Variants in PGM5 observed in about 807,000 individuals in gnomAD.
PGM5 encodes phosphoglucomutase-like protein 5.
A neutral mutation model predicts 59.2 loss-of-function variants in PGM5; 23 were observed. The observed-to-expected ratio is 0.39, with a 90% CI of 0.28 to 0.55. The LOEUF (loss-of-function observed/expected upper bound fraction) is 0.55, where lower values mean the gene tolerates loss of function less well. Ranked by LOEUF, PGM5 falls within the 20% of genes least tolerant of loss-of-function variation. The pLI is 0.66. For missense variants in PGM5, 574 were observed against 748.3 expected (o/e 0.77, Z 2.72); for synonymous variants, 214 against 286.0 (o/e 0.75, Z 2.54).
chr9:68,375,562 T>C lies in PGM5; in HGVS notation c.262-2637T>C, dbSNP rs2777132. ...CTCCCAGAGAATCCATTCATCATAC[T>C]TTCATTATTCTCCATTCATTAATTC... On this transcript the variant is annotated intron_variant, in intron 1 of 10. Transcript: ENST00000396396. 2.0e-5 allele frequency among the ~76,000 whole-genome samples: 3 copies of C among 152,354 alleles called. No homozygotes were observed. The East Asian group carries it at 5.8e-4, about 29-fold the overall frequency.
At chr9:68,482,154 G>A (rs1218482392) in intron 8 of PGM5, among the ~76,000 whole-genome samples, 1 of 152,018 alleles carries the variant, frequency 6.6e-6, no homozygotes, top group African/African-American at 2.4e-5. Context: ...GTGAACGTTT[G>A]GGCAAACAGA....
chr9:68,481,531 A>T (rs138907459), intron 8 of PGM5, among the ~76,000 whole-genome samples: 3,343 of 152,300 alleles, frequency 0.022, 51 homozygotes, highest in African/African-American at 0.05. Flanking sequence ...GACAAAATAT[A>T]TTATGATTGA....
In PGM5 at chr9:68,424,820, G is replaced by T. The variant is rs530977140; in HGVS notation, c.1043+32347G>T. Among the ~76,000 whole-genome samples, 76 of 152,298 alleles carry T rather than the reference G, an allele frequency of 5.0e-4. 1 individual carries two copies. The highest frequency in any genetic ancestry group is 1.7e-3 in the African/African-American group (70 of 41,568). ...GTGTACCTATTAATGTCTCTTAGGG[G>T]ACTAGTGGGAGGTTGCACTGTTTGA... is the stretch of plus-strand genomic sequence containing the variant. On this transcript the variant is annotated intron_variant, in intron 6 of 10. Coordinates refer to ENST00000396396, the MANE Select transcript of PGM5 (RefSeq NM_021965.4).
Position 68,448,153 on chromosome 9 carries a change from C to T in PGM5, c.1044-16940C>T, listed in dbSNP as rs114383675. Among the ~76,000 whole-genome samples, 969 of 152,298 alleles carry T rather than the reference C, an allele frequency of 6.4e-3. 5 individuals carry two copies. Among genetic ancestry groups the T allele is most frequent in the African/African-American group, 0.022 (914 of 41,550 alleles). ...GTAGCTTCTAATCCTAGACTCACTT[C>T]CTTCTTTGAAATCCACCTTTTTGAA... On this transcript the variant is annotated intron_variant, in intron 6 of 10. Transcript: ENST00000396396.
Position 68,514,500 on chromosome 9 carries a change from G to T in PGM5, c.1615-15067G>T, listed in dbSNP as rs564709927. Among the ~76,000 whole-genome samples the T allele has an allele frequency of 1.0e-3, 152 of 152,280 alleles. 1 individual carries two copies. The highest frequency in any genetic ancestry group is 3.5e-3 in the African/African-American group (147 of 41,564). On this transcript the variant is annotated intron_variant, in intron 10 of 10. Transcript: ENST00000396396. The stretch of plus-strand genomic sequence containing the variant: ...GCCTGTAATCCCAGCTACTCAGGAG[G>T]CTGAGGCAGGAGAATCGCTTGAACC...
chr9:68,485,340 C>T (rs556868689), intron 9 of PGM5, among the ~76,000 whole-genome samples: 111 of 152,086 alleles, frequency 7.3e-4, no homozygotes, highest in Non-Finnish European at 1.4e-3. Context: ...GTGTCCCCAC[C>T]CAAATCTCAT....
intron 6 of PGM5, chr9:68,396,705 G>T (rs1822513157): frequency 6.6e-6 from 1 of 152,324 alleles, no homozygotes; most frequent in East Asian, 1.9e-4. Context: ...GGTCCCAGGT[G>T]GATTCTCATG....
At chr9:68,397,841 G>C (rs1332384352) in intron 6 of PGM5, 1 of 152,218 alleles carries the variant, frequency 6.6e-6, no homozygotes, top group Non-Finnish European at 1.5e-5. Context: ...GGACCTGACT[G>C]TGATGCTGGG....
chr9:68,427,154 G>A (rs1823252363), intron 6 of PGM5, among the ~76,000 whole-genome samples: 1 of 152,334 alleles, frequency 6.6e-6, no homozygotes, highest in Admixed American at 6.5e-5. Context: ...GAGCCCCCCT[G>A]GCAGTGGAAG....
intron 6 of PGM5, among the ~76,000 whole-genome samples, chr9:68,447,646 A>G (rs1025743374): frequency 3.3e-5 from 5 of 152,192 alleles, no homozygotes; most frequent in African/African-American, 1.2e-4. Flanking sequence ...GAAGAAGGCT[A>G]TAGTTTTGGT....
intron 4 of PGM5, among the ~76,000 whole-genome samples, chr9:68,391,284 A>G (rs1320154087): frequency 6.6e-6 from 1 of 152,128 alleles, no homozygotes; most frequent in African/African-American, 2.4e-5. Flanking sequence ...GAAAAATTTC[A>G]GGTGAAAAAA....
Position 68,356,678 on chromosome 9 carries a change from G to A in PGM5, c.-450G>A, listed in dbSNP as rs1289045379. On this transcript the variant is annotated 5_prime_UTR_variant, in exon 1 of 11. Coordinates refer to ENST00000396396, the MANE Select transcript of PGM5 (RefSeq NM_021965.4). ...GAACCCGGACTCTGCCCAAAGTCTCGCCGCCCGCCGGCTGTTTTCTGGCGG... is the reference window on the plus strand; with the variant it reads ...GAACCCGGACTCTGCCCAAAGTCTCACCGCCCGCCGGCTGTTTTCTGGCGG... Among the ~76,000 whole-genome samples, 34 of 152,358 alleles carry A rather than the reference G, an allele frequency of 2.2e-4. No individual in the cohort carries two copies. The highest frequency in any genetic ancestry group is 7.0e-4 in the African/African-American group (29 of 41,586).
intron 6 of PGM5, chr9:68,398,114 G>A (rs1822558349): frequency 6.6e-6 from 1 of 152,208 alleles, no homozygotes; most frequent in African/African-American, 2.4e-5. Context: ...TGGTGGAAGA[G>A]ATAGTGATGT....
intron 6 of PGM5, among the ~76,000 whole-genome samples, chr9:68,444,678 T>C (rs1292141579): frequency 6.6e-5 from 10 of 152,150 alleles, no homozygotes; most frequent in African/African-American, 2.2e-4. Context: ...TGACATACAC[T>C]GGGGAGGGGA....
chr9:68,439,266 G>A (rs12343961), intron 6 of PGM5, among the ~76,000 whole-genome samples: 5,707 of 151,846 alleles, frequency 0.038, 144 homozygotes, highest in African/African-American at 0.081. Context: ...TTGGGAGGCT[G>A]TGTTGGGAGG....
At chr9:68,510,237 C>T (rs1824727309) in intron 10 of PGM5, among the ~76,000 whole-genome samples, 1 of 150,870 alleles carries the variant, frequency 6.6e-6, no homozygotes, top group Non-Finnish European at 1.5e-5. Flanking sequence ...CTGCAAGCTC[C>T]GCCTCCTGGG....
In PGM5 at chr9:68,453,387, G is replaced by A. The variant is rs905653232; in HGVS notation, c.1044-11706G>A. ...ACAGGGTCTTGCTGCTGCCCAGGCT[G>A]GAGTACAGTGGCATAATTATAGCTA... On this transcript the variant is annotated intron_variant, in intron 6 of 10. Coordinates refer to ENST00000396396, the MANE Select transcript of PGM5 (RefSeq NM_021965.4). 1.2e-4 allele frequency among the ~76,000 whole-genome samples: 18 copies of A among 152,226 alleles called. No homozygotes were observed. The East Asian group carries it at 3.5e-3, about 29-fold the overall frequency.
intron 1 of PGM5, among the ~76,000 whole-genome samples, chr9:68,358,235 C>G (rs1434844770): frequency 6.6e-6 from 1 of 152,224 alleles, no homozygotes; most frequent in African/African-American, 2.4e-5. Flanking sequence ...CTTCCCCTTT[C>G]GGTTTTCATC....
intron 3 of PGM5, among the ~76,000 whole-genome samples, chr9:68,386,663 G>A (rs1288151600): frequency 1.3e-4 from 20 of 151,968 alleles, no homozygotes; most frequent in Non-Finnish European, 2.2e-4. Context: ...ATTTAAAAAA[G>A]CAGGGCTCCT....
Sources: gnomAD v4.1 joint callset for allele counts (sites outside exome capture counted in the v4.1 genomes callset) on GRCh38, gnomAD v4.1.1 for gene constraint, MANE v1.5 for transcripts, NCBI Gene and HGNC (gene_info 2026-07-23, HGNC 2026-07-21) for gene names.